The following CCNY variants were observed in gnomAD, a reference collection of about 807,000 sequenced individuals.
CCNY encodes the protein cyclin-Y.
A neutral mutation model predicts 42.8 loss-of-function variants in CCNY; 19 were observed. The observed-to-expected ratio is 0.44, with a 90% CI of 0.31 to 0.65. CCNY has a LOEUF of 0.65. Among genes scored for constraint, CCNY ranks in the 30% least tolerant of loss-of-function variants. The pLI, the probability that CCNY is intolerant of heterozygous loss-of-function variation, is 0.07. For synonymous variants in CCNY, 165 were observed against 162.7 expected (o/e 1.01, Z -0.11); for missense variants, 370 against 437.3 (o/e 0.85, Z 1.37).
At chr10:35,260,273 T>C (rs1017934659) in intron 3 of CCNY, among the ~76,000 whole-genome samples, 32 of 152,188 alleles carry the variant, frequency 2.1e-4, no homozygotes, top group Admixed American at 1.9e-3. Context: ...GAAAAGACTC[T>C]TGAATCATGG....
intron 3 of CCNY, among the ~76,000 whole-genome samples, chr10:35,252,943 T>G (rs991340164): frequency 6.6e-6 from 1 of 152,174 alleles, no homozygotes; most frequent in African/African-American, 2.4e-5. Flanking sequence ...ATTTGTATCT[T>G]AACTATGAGG....
At chr10:35,277,515 C>G (rs889273102) in intron 3 of CCNY, among the ~76,000 whole-genome samples, 1 of 152,144 alleles carries the variant, frequency 6.6e-6, no homozygotes, top group Non-Finnish European at 1.5e-5. Flanking sequence ...TGCCTACTCT[C>G]CAGCTACAGG....
intron 1 of CCNY, among the ~76,000 whole-genome samples, chr10:35,431,048 C>T (rs558793387): frequency 2.9e-4 from 43 of 150,442 alleles, no homozygotes; most frequent in African/African-American, 7.8e-4. Flanking sequence ...ACCTGAGAGA[C>T]GGAGGTTGCA....
intron 1 of CCNY, among the ~76,000 whole-genome samples, chr10:35,430,992 C>T (rs1302995658): frequency 6.6e-6 from 1 of 151,768 alleles, no homozygotes; most frequent in South Asian, 2.1e-4. Flanking sequence ...TGGTGTGCTG[C>T]TGTAGTCCCA....
At chr10:35,309,387 G>A (rs780788612) in intron 3 of CCNY, among the ~76,000 whole-genome samples, 4 of 152,188 alleles carry the variant, frequency 2.6e-5, no homozygotes, top group Non-Finnish European at 4.4e-5. Flanking sequence ...TACCTGGGAG[G>A]CTTGTGGATG....
At chr10:35,353,984 T>C (rs1009616017) in intron 1 of CCNY, among the ~76,000 whole-genome samples, 37 of 152,292 alleles carry the variant, frequency 2.4e-4, no homozygotes, top group African/African-American at 8.2e-4. Flanking sequence ...AGTCAACTCA[T>C]GGCTCAACTA....
At chr10:35,346,138 G>A (rs1035081321) in intron 1 of CCNY, among the ~76,000 whole-genome samples, 2 of 152,158 alleles carry the variant, frequency 1.3e-5, no homozygotes, top group African/African-American at 4.8e-5. Context: ...TTAATAAAGG[G>A]TAGTTGGTTA....
At chr10:35,426,348 G>T (rs1273270644) in intron 1 of CCNY, among the ~76,000 whole-genome samples, 2 of 152,140 alleles carry the variant, frequency 1.3e-5, no homozygotes, top group African/African-American at 2.4e-5. Flanking sequence ...CTGTCAGCAG[G>T]TTATTAAGAA....
chr10:35,510,792 G>A (rs992220769), intron 3 of CCNY, among the ~76,000 whole-genome samples: 12 of 152,168 alleles, frequency 7.9e-5, no homozygotes, highest in Admixed American at 2.6e-4. Context: ...AATTAATTAC[G>A]AAAGGGGTTA....
At chr10:35,505,501 C>T (rs1840197841) in intron 3 of CCNY, among the ~76,000 whole-genome samples, 1 of 152,046 alleles carries the variant, frequency 6.6e-6, no homozygotes, top group Non-Finnish European at 1.5e-5. Context: ...AGTTACTTAT[C>T]AGCTAAGCAA....
intron 1 of CCNY, among the ~76,000 whole-genome samples, chr10:35,379,277 G>C (rs2504354): frequency 0.078 from 11,798 of 152,200 alleles, 684 homozygotes; most frequent in African/African-American, 0.17. Flanking sequence ...GCTGGTCGAA[G>C]GCTTCCTTCC....
chr10:35,561,487 CTG>C (rs1336257660), intron 8 of CCNY, among the ~76,000 whole-genome samples: 8 of 152,208 alleles, frequency 5.3e-5, no homozygotes, highest in African/African-American at 1.9e-4. Flanking sequence ...GTGTGTTAAT[CTG>C]TGGTTAGCTG....
intron 7 of CCNY, among the ~76,000 whole-genome samples, chr10:35,545,512 T>C (rs979618011): frequency 6.6e-6 from 1 of 152,222 alleles, no homozygotes; most frequent in Non-Finnish European, 1.5e-5. Flanking sequence ...TGTCTCCAAG[T>C]TTCCCCTTTA....
intron 1 of CCNY, among the ~76,000 whole-genome samples, chr10:35,405,387 T>C (rs919545255): frequency 6.6e-6 from 1 of 152,004 alleles, no homozygotes; most frequent in African/African-American, 2.4e-5. Context: ...AAGGAGAGGA[T>C]GTGAAGGAGG....
rs746813805 is a variant in CCNY, at chr10:35,405,615, T to G, written c.154+68408T>G. On this transcript the variant is annotated intron_variant, in intron 1 of 9. Coordinates refer to ENST00000374704, the MANE Select transcript of CCNY (RefSeq NM_145012.6). ...TGGCCGTCAATACCCACAACAGTTA[T>G]GGAGGCAAGGGAAACAGGCCCTTGA... Among the ~76,000 whole-genome samples, 16 of 152,270 alleles carry G rather than the reference T, an allele frequency of 1.1e-4. No homozygotes were observed. In the South Asian group the frequency reaches 1.9e-3, roughly 18 times the overall value.
At chr10:35,498,007 C>T (rs1778292538) in intron 2 of CCNY, among the ~76,000 whole-genome samples, 1 of 152,120 alleles carries the variant, frequency 6.6e-6, no homozygotes, top group African/African-American at 2.4e-5. Flanking sequence ...AATACAGTCA[C>T]ACTCATGACT....
At chr10:35,279,272 C>T (rs1177694941) in intron 3 of CCNY, among the ~76,000 whole-genome samples, 2 of 152,044 alleles carry the variant, frequency 1.3e-5, no homozygotes, top group Admixed American at 6.6e-5. Context: ...TGCACCACCA[C>T]GCCCAGCTAG....
At chr10:35,320,179 A>C (rs1019520553) in intron 3 of CCNY, among the ~76,000 whole-genome samples, 3 of 136,656 alleles carry the variant, frequency 2.2e-5, no homozygotes, top group African/African-American at 9.2e-5. Context: ...TACCTCACTG[A>C]ATACAGTATA....
At chr10:35,515,302 C>T (rs1840405221) in intron 3 of CCNY, among the ~76,000 whole-genome samples, 1 of 152,184 alleles carries the variant, frequency 6.6e-6, no homozygotes, top group African/African-American at 2.4e-5. Flanking sequence ...GCAGTGCTAA[C>T]TGTGATTTAA....
Sources: allele counts gnomAD v4.1 joint callset (sites outside exome capture counted in the v4.1 genomes callset), GRCh38; gene constraint gnomAD v4.1.1; transcripts MANE v1.5; gene names NCBI Gene and HGNC (gene_info 2026-07-23, HGNC 2026-07-21).